MED13: variants seen among roughly 807,000 people sequenced by gnomAD.
MED13 encodes the protein mediator of RNA polymerase II transcription subunit 13.
Under a neutral mutation model 225.2 loss-of-function variants are expected in MED13, and 23 were observed. The ratio of observed to expected loss-of-function variants is 0.10; its 90% CI spans 0.07 to 0.14. The LOEUF (loss-of-function observed/expected upper bound fraction) is 0.14. MED13 is among the 10% of genes least tolerant of loss of function. MED13 has a pLI of 1.00. For synonymous variants in MED13, 942 were observed against 889.2 expected (o/e 1.06, Z -1.06); for missense variants, 2,197 against 2,594.5 (o/e 0.85, Z 3.33).
intron 12 of MED13, among the ~76,000 whole-genome samples, chr17:61,986,041 G>A (rs2080244773): frequency 6.6e-6 from 1 of 152,112 alleles, no homozygotes; most frequent in African/African-American, 2.4e-5. Flanking sequence ...TAGACAGTCT[G>A]TGATAAATAT....
chr17:61,991,657 G>A (rs1190414409), intron 11 of MED13, among the ~76,000 whole-genome samples: 1 of 152,066 alleles, frequency 6.6e-6, no homozygotes, highest in Non-Finnish European at 1.5e-5. Flanking sequence ...ATAGGCGCGT[G>A]CCTCCATGCC....
At chr17:62,019,185 C>T (rs765784510) in intron 8 of MED13, among the ~76,000 whole-genome samples, 55 of 152,232 alleles carry the variant, frequency 3.6e-4, no homozygotes, top group African/African-American at 1.2e-3. Context: ...AGCAATAGGC[C>T]GAATGCAGAA....
At chr17:62,015,775 C>CTA (rs202206950) in intron 8 of MED13, among the ~76,000 whole-genome samples, 32 of 137,758 alleles carry the variant, frequency 2.3e-4, no homozygotes, top group Admixed American at 3.0e-4. Context: ...TATACACACA[C>CTA]TATATATATA....
rs567502491 is a variant in MED13 at position 62,012,888 on chromosome 17, G to T, written c.1284-1655C>A. ...GCTCACGGCAACCTCCGCCTCCCAG[G>T]TTCAAGCAGTTTTCCTGCCTCAGCC... On this transcript the variant is annotated intron_variant, in intron 8 of 29. Coordinates refer to ENST00000397786, the MANE Select transcript of MED13 (RefSeq NM_005121.3). Among the ~76,000 whole-genome samples the T allele has an allele frequency of 4.6e-5, 7 of 151,854 alleles. No individual in the cohort carries two copies. In the East Asian group the frequency reaches 1.4e-3, roughly 30 times the overall value.
intron 2 of MED13, among the ~76,000 whole-genome samples, chr17:62,056,592 A>C (rs2080998135): frequency 7.8e-6 from 1 of 128,980 alleles, no homozygotes; most frequent in South Asian, 2.7e-4. Context: ...GAAGACCCTG[A>C]CTCCAAAAAA....
Position 61,947,650 on chromosome 17 carries a change from G to A in MED13, c.6292-633C>T, listed in dbSNP as rs369700327. 1.1e-3 allele frequency among the ~76,000 whole-genome samples: 165 copies of A among 152,206 alleles called. 3 individuals are homozygous for A. The South Asian group carries it at 0.026, about 24-fold the overall frequency. ...AATAAACCTTAAACAAGCTATCTTC[G>A]GTTGAACTGAGAACACTCTAAGTAA... On this transcript the variant is annotated intron_variant, in intron 28 of 29. Coordinates refer to ENST00000397786, the MANE Select transcript of MED13 (RefSeq NM_005121.3).
chr17:62,039,119 C>T, intron 3 of MED13, among the ~76,000 whole-genome samples: 1 of 152,172 alleles, frequency 6.6e-6, no homozygotes, highest in East Asian at 1.9e-4. Flanking sequence ...TGTTTATCTG[C>T]CACTACCCTA....
chr17:61,951,048 T>C (rs1481028920), intron 27 of MED13, 50 bp from the exon 28 acceptor site: 2 of 1,439,214 alleles, frequency 1.4e-6, no homozygotes, highest in African/African-American at 1.4e-5. Flanking sequence ...TGTAACTAAG[T>C]ACCAGATATA....
chr17:61,963,202 C>CAAAAAAAAA lies in MED13; in HGVS notation c.4845-240_4845-232dup, dbSNP rs11290002. ...TTAAGAGGTCTTGCCTTAAATTTAC[C>CAAAAAAAAA]AAAAAAAAAAAAAAAAAAAAAAAAA... On this transcript the variant is annotated intron_variant, in intron 20 of 29. Coordinates refer to ENST00000397786, the MANE Select transcript of MED13 (RefSeq NM_005121.3). 7.6e-3 allele frequency among the ~76,000 whole-genome samples: 427 copies of CAAAAAAAAA among 55,840 alleles called. 1 individual carries two copies. Among genetic ancestry groups the CAAAAAAAAA allele is most frequent in the Middle Eastern group, 0.036 (1 of 28 alleles). 36.6% of individuals were successfully genotyped at this position (55,840 alleles called of 152,430 possible).
intron 10 of MED13, among the ~76,000 whole-genome samples, chr17:61,994,379 T>G (rs940831036): frequency 1.3e-4 from 20 of 152,224 alleles, no homozygotes; most frequent in African/African-American, 4.8e-4. Context: ...TATTTGATTT[T>G]TAAATTTTAT....
intron 9 of MED13, among the ~76,000 whole-genome samples, chr17:61,999,621 C>T (rs949782020): frequency 2.0e-5 from 3 of 152,276 alleles, no homozygotes; most frequent in Non-Finnish European, 2.9e-5. Context: ...AGAAATTTTA[C>T]TTTTACAAAC....
At position 61,953,039 on chromosome 17, in the gene MED13, G is replaced by T; in HGVS notation, c.6043C>A (p.Leu2015Ile). 6.2e-7 allele frequency: 1 copy of T among 1,613,736 alleles called. No homozygotes were observed. The highest frequency in any genetic ancestry group is 8.5e-7 in the Non-Finnish European group (1 of 1,179,664). ...GGAGAACCAGTTGGAGAAGCAGGAA[G>T]GATATTAATGATATCAGGGTCAAGA... ...DDLDPDIINI[L>I]PASPTGSPVH... Residue 2015 changes from leucine to isoleucine, a missense_variant, in exon 27 of 30, where the codon CTT becomes ATT. Coordinates refer to ENST00000397786, the MANE Select transcript of MED13 (RefSeq NM_005121.3).
At chr17:62,056,969 A>G (rs1053489888) in intron 2 of MED13, among the ~76,000 whole-genome samples, 9 of 152,188 alleles carry the variant, frequency 5.9e-5, no homozygotes, top group African/African-American at 2.2e-4. Context: ...TGCAGATTAC[A>G]GTAGTGCCAA....
At chr17:62,061,264 A>G (rs530288682) in intron 2 of MED13, among the ~76,000 whole-genome samples, 11 of 152,210 alleles carry the variant, frequency 7.2e-5, no homozygotes, top group South Asian at 6.2e-4. Context: ...CACACTTGTA[A>G]TCCCAGCACT....
intron 26 of MED13, among the ~76,000 whole-genome samples, chr17:61,954,460 G>A (rs1457870222): frequency 6.6e-6 from 1 of 152,098 alleles, no homozygotes; most frequent in Non-Finnish European, 1.5e-5. Context: ...CAAATATTTT[G>A]TGACCAACTA....
chr17:62,038,136 T>C (rs2080821746), intron 3 of MED13, among the ~76,000 whole-genome samples: 1 of 152,088 alleles, frequency 6.6e-6, no homozygotes, highest in African/African-American at 2.4e-5. Context: ...CAGTCATGCC[T>C]GTTATCTCAG....
At chr17:61,993,480 G>A (rs552786543) in intron 10 of MED13, among the ~76,000 whole-genome samples, 1 of 151,684 alleles carries the variant, frequency 6.6e-6, no homozygotes, top group African/African-American at 2.4e-5. Context: ...GGGATTACAG[G>A]CGTGAGACAC....
intron 22 of MED13, 64 bp downstream of exon 22, chr17:61,961,519 CAAAAA>C (rs56723756): frequency 2.2e-3 from 1,608 of 730,310 alleles, no homozygotes; most frequent in African/African-American, 4.2e-3. Context: ...GGCTCCATCT[CAAAAA>C]AAAAAAAAAA....
intron 8 of MED13, among the ~76,000 whole-genome samples, chr17:62,020,949 A>T (rs2080636948): frequency 6.6e-6 from 1 of 150,820 alleles, no homozygotes; most frequent in African/African-American, 2.4e-5. Flanking sequence ...CACTGCCCTT[A>T]ATCCATTTAA....
Sources: gnomAD v4.1 joint callset for allele counts (sites outside exome capture counted in the v4.1 genomes callset) on GRCh38, gnomAD v4.1.1 for gene constraint, MANE v1.5 for transcripts, NCBI Gene and HGNC (gene_info 2026-07-23, HGNC 2026-07-21) for gene names.